Variants in VASH2 observed in about 807,000 individuals in gnomAD.
VASH2 encodes vasohibin 2, also known as tubulinyl-Tyr carboxypeptidase 2.
A neutral mutation model predicts 37.2 loss-of-function variants in VASH2; 28 were observed. The ratio of observed to expected loss-of-function variants is 0.75; its 90% CI spans 0.56 to 1.03. The LOEUF (loss-of-function observed/expected upper bound fraction) is 1.03. Ranked by LOEUF, VASH2 falls within the 50% of genes least tolerant of loss-of-function variation. VASH2 has a pLI of 0.00. For missense variants in VASH2, 419 were observed against 459.1 expected (o/e 0.91, Z 0.80); for synonymous variants, 188 against 174.7 (o/e 1.08, Z -0.60).
At chr1:212,955,711 G>C (rs952559348) in intron 2 of VASH2, among the ~76,000 whole-genome samples, 1 of 152,222 alleles carries the variant, frequency 6.6e-6, no homozygotes, top group East Asian at 1.9e-4. Flanking sequence ...TTCCCAATTG[G>C]AAAATAATTC....
chr1:212,965,873 C>T, intron 4 of VASH2, 95 bp downstream of exon 4: 2 of 1,286,306 alleles, frequency 1.6e-6, no homozygotes, highest in African/African-American at 1.5e-5. Context: ...GCCCATGGCT[C>T]AGGTATCCTA....
intron 5 of VASH2, chr1:212,967,781 A>G (rs921963461): frequency 1.3e-5 from 2 of 153,872 alleles, no homozygotes; most frequent in Non-Finnish European, 2.9e-5. Flanking sequence ...TAGAATGTAT[A>G]GGACTTGCAG....
At chr1:212,958,704 T>G (rs1466676316) in intron 2 of VASH2, among the ~76,000 whole-genome samples, 1 of 152,092 alleles carries the variant, frequency 6.6e-6, no homozygotes, top group Non-Finnish European at 1.5e-5. Context: ...TGCTTTTCTG[T>G]GCAGAAATGT....
At chr1:212,965,182 A>G (rs549760901) in intron 3 of VASH2, among the ~76,000 whole-genome samples, 4 of 152,234 alleles carry the variant, frequency 2.6e-5, no homozygotes, top group South Asian at 4.1e-4. Context: ...CAGCCTCCCA[A>G]TGGGGTTACA....
chr1:212,972,806 A>G lies in VASH2; in HGVS notation c.724A>G (p.Thr242Ala). Residue 242 changes from threonine (T) to alanine (A), a missense_variant, in exon 6 of 8, where the codon ACA becomes GCA. By Grantham distance (58) the Thr-to-Ala change is moderately conservative. Coordinates refer to ENST00000517399, the MANE Select transcript of VASH2 (RefSeq NM_001301056.2). ...GGACTCTTACAAGAAATACCTGCACACAGTCAAGAAGGTCAAGATTGGGCT... is the reference window on the plus strand; with the variant it reads ...GGACTCTTACAAGAAATACCTGCACGCAGTCAAGAAGGTCAAGATTGGGCT... The part of the protein sequence containing the change: ...FEDSYKKYLH[T>A]VKKVKIGLYV... 2 of 1,614,228 alleles carry G rather than the reference A, an allele frequency of 1.2e-6. No homozygotes were observed. The highest frequency in any genetic ancestry group is 1.7e-6 in the Non-Finnish European group (2 of 1,180,042).
chr1:212,957,392 G>C (rs1328099946), intron 2 of VASH2, among the ~76,000 whole-genome samples: 1 of 151,992 alleles, frequency 6.6e-6, no homozygotes, highest in Non-Finnish European at 1.5e-5. Context: ...ATGAATTAAG[G>C]GTATTAACTC....
At chr1:212,974,514 T>G (rs1442106721) in intron 7 of VASH2, 1 of 152,482 alleles carries the variant, frequency 6.6e-6, no homozygotes, top group Admixed American at 6.5e-5. Context: ...GCAGAAGGTG[T>G]GATTACCATC....
chr1:212,967,344 T>C (rs1666882638), intron 5 of VASH2: 5 of 1,224,678 alleles, frequency 4.1e-6, no homozygotes, highest in South Asian at 1.4e-5. Flanking sequence ...ATTGTGGGGA[T>C]AGACCCAGGA....
At chr1:212,987,031 CAGAGAG>C (rs10601750) in intron 7 of VASH2, among the ~76,000 whole-genome samples, 8 of 148,446 alleles carry the variant, frequency 5.4e-5, no homozygotes, top group East Asian at 3.9e-4. Context: ...CTTCCCATTT[CAGAGAG>C]AGAGAGAGAG....
intron 2 of VASH2, among the ~76,000 whole-genome samples, chr1:212,957,555 T>C (rs1375204809): frequency 6.6e-6 from 1 of 152,132 alleles, no homozygotes; most frequent in East Asian, 1.9e-4. Flanking sequence ...GTAGGGATCA[T>C]TCAGGTTTCC....
At position 212,988,673 on chromosome 1, in the gene VASH2, T is replaced by A; in HGVS notation, c.*89T>A. ...TTCAGGAGGAACTGCAACTATTTATTAAGAACTTGTGAATTTTATTTTTAA... is the reference window on the plus strand; with the variant it reads ...TTCAGGAGGAACTGCAACTATTTATAAAGAACTTGTGAATTTTATTTTTAA... On this transcript the variant is annotated 3_prime_UTR_variant, in exon 8 of 8. Coordinates refer to ENST00000517399, the MANE Select transcript of VASH2 (RefSeq NM_001301056.2). The A allele has an allele frequency of 3.8e-6, 5 of 1,316,136 alleles. No individual in the cohort carries two copies. Among genetic ancestry groups the A allele is most frequent in the Non-Finnish European group, 5.4e-6 (5 of 921,792 alleles). 81.5% of individuals were successfully genotyped at this position (1,316,136 alleles called of 1,614,324 possible).
At chr1:212,960,108 T>C (rs1188340822) in intron 2 of VASH2, among the ~76,000 whole-genome samples, 2 of 152,304 alleles carry the variant, frequency 1.3e-5, no homozygotes, top group East Asian at 1.9e-4. Flanking sequence ...AGCGACTTGA[T>C]TGGACGTCCC....
intron 4 of VASH2, 115 bp from the exon 5 acceptor site, chr1:212,966,156 C>A: frequency 1.1e-6 from 1 of 883,040 alleles, no homozygotes; most frequent in Non-Finnish European, 1.8e-6. Context: ...TCCCTTTTCC[C>A]TCCGTGCTCC....
chr1:212,951,836 C>T lies in VASH2; in HGVS notation c.276+18C>T, dbSNP rs772330185. 5 of 1,591,204 alleles carry T rather than the reference C, an allele frequency of 3.1e-6. No homozygotes were observed. Among genetic ancestry groups the T allele is most frequent in the South Asian group, 1.1e-5 (1 of 88,102 alleles). On this transcript the variant is annotated intron_variant, in intron 2 of 7. Transcript: ENST00000517399. This position sits in a 1 kb window ranked among gnomAD's most constrained non-coding sequence, Gnocchi z 4.4. ...TGGCAAAGGTCAGTGGCTTCCAGGG[C>T]GGAGTTGGGGGGCTGGGGGTAGGTA...
chr1:212,986,291 C>A (rs1208096101), intron 7 of VASH2, among the ~76,000 whole-genome samples: 9 of 152,152 alleles, frequency 5.9e-5, no homozygotes, highest in Non-Finnish European at 8.8e-5. Flanking sequence ...ACAAGTGGGG[C>A]ACACTGTGGA....
intron 7 of VASH2, among the ~76,000 whole-genome samples, chr1:212,978,437 G>A (rs1667243282): frequency 6.6e-6 from 1 of 152,228 alleles, no homozygotes; most frequent in Non-Finnish European, 1.5e-5. Flanking sequence ...CCTGCAGGAA[G>A]AGGGGAATTC....
rs951460503 is a variant in VASH2, at chr1:212,950,861, C to T, written c.-205+121C>T. The T allele has an allele frequency of 6.6e-6, 1 of 152,412 alleles. No individual in the cohort carries two copies. Among genetic ancestry groups the T allele is most frequent in the African/African-American group, 2.4e-5 (1 of 41,480 alleles). 9.4% of individuals were successfully genotyped at this position (152,412 alleles called of 1,614,324 possible). A position where few individuals can be genotyped will look rare whatever the true frequency, so the allele number is the denominator to read the frequency against. On this transcript the variant is annotated intron_variant, in intron 1 of 7. Coordinates refer to ENST00000517399, the MANE Select transcript of VASH2 (RefSeq NM_001301056.2). This position sits in a 1 kb window ranked among gnomAD's most constrained non-coding sequence, Gnocchi z 5.5. ...GCGGATGGAGCTCTTTCCACTAGAT[C>T]CCCGCCGGGGTCCGGGAGGGCTTCC...
chr1:212,974,063 G>A lies in VASH2; in HGVS notation c.988G>A (p.Glu330Lys). 6.2e-7 allele frequency: 1 copy of A among 1,612,006 alleles called. No individual in the cohort carries two copies. The highest frequency in any genetic ancestry group is 1.1e-5 in the South Asian group (1 of 90,724). The change falls in exon 7 of 8, where the codon GAG becomes AAG. Residue 330 changes from glutamate (E) to lysine (K), a missense_variant. Transcript: ENST00000517399. ...ASPPRRLGRR[E>K]KSPALPEKKV... ...CCCCCCGAGGAGGCTCGGCCGGCGA[G>A]AGAAGTCGTGAGTAATATTTCCTCT...
At chr1:212,953,795 G>A (rs1009328570) in intron 2 of VASH2, among the ~76,000 whole-genome samples, 4 of 152,170 alleles carry the variant, frequency 2.6e-5, no homozygotes, top group African/African-American at 9.7e-5. Context: ...TCTGTGTGAT[G>A]CTAGAGGTCT....
Sources: gnomAD v4.1 joint callset for allele counts (sites outside exome capture counted in the v4.1 genomes callset) on GRCh38, gnomAD v4.1.1 for gene constraint, Gnocchi (gnomAD v3.1) non-coding constraint, MANE v1.5 for transcripts, NCBI Gene and HGNC (gene_info 2026-07-23, HGNC 2026-07-21) for gene names.